Variants in GALNT18 observed in about 807,000 individuals in gnomAD.
GALNT18 encodes the protein GalNAc-transferase 18.
In GALNT18, 44 loss-of-function variants were observed where a neutral mutation model predicts 69.5. The observed-to-expected ratio is 0.63, with a 90% CI of 0.50 to 0.81. The LOEUF (loss-of-function observed/expected upper bound fraction) is 0.81. Ranked by LOEUF, GALNT18 falls within the 40% of genes least tolerant of loss-of-function variation. GALNT18 has a pLI of 0.00. For synonymous variants in GALNT18, 364 were observed against 318.2 expected (o/e 1.14, Z -1.53); for missense variants, 715 against 810.0 (o/e 0.88, Z 1.42).
rs1856000120 is a variant in GALNT18 at position 11,459,756 on chromosome 11, G to T, written c.236-10820C>A. ...CAAACCATCAGATAGGTGGTAAAGT[G>T]TATTAATAGTTTCCTATGGTGCTCT... On this transcript the variant is annotated intron_variant, in intron 1 of 10. Transcript: ENST00000227756. The surrounding 1 kb of genome is among the most constrained non-coding windows in gnomAD (Gnocchi z 5.0). 6.6e-6 allele frequency among the ~76,000 whole-genome samples: 1 copy of T among 152,338 alleles called. No individual in the cohort carries two copies. Among genetic ancestry groups the T allele is most frequent in the East Asian group, 1.9e-4 (1 of 5,184 alleles).
intron 6 of GALNT18, among the ~76,000 whole-genome samples, chr11:11,343,439 G>T (rs184285224): frequency 4.6e-5 from 7 of 152,298 alleles, no homozygotes; most frequent in Non-Finnish European, 1.0e-4. Context: ...AAAAGGATCT[G>T]TCTGATCCCA....
chr11:11,340,798 A>G lies in GALNT18; in HGVS notation c.1278+21T>C. ...TTTTCCACCAATCCCCGAGAAACTC[A>G]TCCCTACCGGAGATCCCTACCTCCT... On this transcript the variant is annotated intron_variant, in intron 7 of 10. Transcript: ENST00000227756. The surrounding 1 kb of genome is among the most constrained non-coding windows in gnomAD (Gnocchi z 4.2). 1.3e-6 allele frequency: 2 copies of G among 1,583,720 alleles called. No homozygotes were observed. Among genetic ancestry groups the G allele is most frequent in the Non-Finnish European group, 1.7e-6 (2 of 1,163,094 alleles).
chr11:11,568,925 T>G (rs1858717272), intron 1 of GALNT18, among the ~76,000 whole-genome samples: 1 of 152,180 alleles, frequency 6.6e-6, no homozygotes, highest in African/African-American at 2.4e-5. Context: ...ACTGTACAAA[T>G]TCGGTTTCTA....
chr11:11,393,271 T>C (rs1564926342), intron 3 of GALNT18, among the ~76,000 whole-genome samples: 2 of 152,200 alleles, frequency 1.3e-5, no homozygotes, highest in South Asian at 4.1e-4. Flanking sequence ...ACTCTTAAAT[T>C]CAGACTTTGG....
At chr11:11,455,267 T>C (rs1341557216) in intron 1 of GALNT18, among the ~76,000 whole-genome samples, 2 of 152,226 alleles carry the variant, frequency 1.3e-5, no homozygotes, top group Non-Finnish European at 2.9e-5. Flanking sequence ...TATCCTCATA[T>C]AGCATCCAAC....
At chr11:11,317,335 A>T (rs960094706) in intron 9 of GALNT18, among the ~76,000 whole-genome samples, 1 of 152,228 alleles carries the variant, frequency 6.6e-6, no homozygotes, top group Admixed American at 6.5e-5. Context: ...GTCCAGCCCA[A>T]GCTGTCTTTG....
chr11:11,283,354 C>T (rs61872381), intron 10 of GALNT18, among the ~76,000 whole-genome samples: 1,784 of 152,238 alleles, frequency 0.012, 11 homozygotes, highest in Non-Finnish European at 0.018. Context: ...GCCATGTTGG[C>T]CAGGCTGGTC....
intron 1 of GALNT18, among the ~76,000 whole-genome samples, chr11:11,502,176 G>A (rs1326042178): frequency 2.0e-5 from 3 of 152,144 alleles, no homozygotes; most frequent in African/African-American, 7.2e-5. Flanking sequence ...AGGCTCAGAC[G>A]GCATGAATAA....
intron 9 of GALNT18, among the ~76,000 whole-genome samples, chr11:11,304,754 A>G (rs10831581): frequency 0.62 from 93,945 of 151,794 alleles, 29,767 homozygotes; most frequent in Admixed American, 0.76. Flanking sequence ...TTCTAGCTGG[A>G]ACGTGAGCGG....
Position 11,430,468 on chromosome 11 carries a change from A to G in GALNT18, c.595+2153T>C, listed in dbSNP as rs1855240721. Among the ~76,000 whole-genome samples the G allele has an allele frequency of 6.6e-6, 1 of 152,234 alleles. No individual in the cohort carries two copies. The highest frequency in any genetic ancestry group is 1.5e-5 in the Non-Finnish European group (1 of 68,038). ...TCGATGCAGTTGTGATGACAAGTAC[A>G]GCTTTGTGTAACCAACACCACAATC... is the stretch of plus-strand genomic sequence containing the variant. On this transcript the variant is annotated intron_variant, in intron 3 of 10. Coordinates refer to ENST00000227756, the MANE Select transcript of GALNT18 (RefSeq NM_198516.3). The surrounding 1 kb of genome is among the most constrained non-coding windows in gnomAD (Gnocchi z 4.9).
At chr11:11,328,028 A>C (rs1849954902) in intron 8 of GALNT18, among the ~76,000 whole-genome samples, 1 of 152,120 alleles carries the variant, frequency 6.6e-6, no homozygotes, top group Non-Finnish European at 1.5e-5. Context: ...AGAGACTGTG[A>C]TCAGTGGGTG....
At chr11:11,333,491 A>G (rs1256857745) in intron 7 of GALNT18, among the ~76,000 whole-genome samples, 2 of 152,198 alleles carry the variant, frequency 1.3e-5, no homozygotes, top group Non-Finnish European at 2.9e-5. Flanking sequence ...CCAAGACTCC[A>G]CAACTAATAA....
At chr11:11,278,869 CAG>C (rs1269883158) in intron 10 of GALNT18, among the ~76,000 whole-genome samples, 1 of 152,164 alleles carries the variant, frequency 6.6e-6, no homozygotes, top group African/African-American at 2.4e-5. Flanking sequence ...GTTTCTAACA[CAG>C]AAATGATAAA....
At chr11:11,293,773 C>T (rs2133006713) in intron 9 of GALNT18, among the ~76,000 whole-genome samples, 1 of 152,214 alleles carries the variant, frequency 6.6e-6, no homozygotes, top group East Asian at 1.9e-4. Context: ...AACTCCTGAC[C>T]TCGTGATCTG....
In GALNT18 at chr11:11,562,288, C is replaced by T. The variant is rs980020361; in HGVS notation, c.235+59071G>A. Among the ~76,000 whole-genome samples the T allele has an allele frequency of 6.6e-6, 1 of 152,176 alleles. No homozygotes were observed. The highest frequency in any genetic ancestry group is 1.5e-5 in the Non-Finnish European group (1 of 68,038). On this transcript the variant is annotated intron_variant, in intron 1 of 10. Transcript: ENST00000227756. This position sits in a 1 kb window ranked among gnomAD's most constrained non-coding sequence, Gnocchi z 4.1. ...CTGGCTGTCTTCTTGTGTCTCTTCA[C>T]TTCATATGCCCCTAGTGTGTGTCTG...
rs551055737 is a variant in GALNT18, at chr11:11,603,310, G to A, written c.235+18049C>T. Among the ~76,000 whole-genome samples, 15 of 152,294 alleles carry A rather than the reference G, an allele frequency of 9.8e-5. No individual in the cohort carries two copies. In the South Asian group the frequency reaches 1.0e-3, roughly 11 times the overall value. On this transcript the variant is annotated intron_variant, in intron 1 of 10. Transcript: ENST00000227756. The surrounding 1 kb of genome is among the most constrained non-coding windows in gnomAD (Gnocchi z 4.5). ...ACACTGGCTCAGTTACCACCTCAGC[G>A]TTCAGAATCTAGAGAGTTTTCTAGA...
intron 6 of GALNT18, among the ~76,000 whole-genome samples, chr11:11,346,124 G>A (rs1290322014): frequency 1.3e-5 from 2 of 152,162 alleles, no homozygotes; most frequent in African/African-American, 4.8e-5. Context: ...GATCCCCTCT[G>A]AATATCTTTA....
rs894093039 is a variant in GALNT18, at chr11:11,315,423, G to T, written c.1512+11663C>A. Among the ~76,000 whole-genome samples the T allele has an allele frequency of 6.6e-6, 1 of 152,190 alleles. No individual in the cohort carries two copies. Among genetic ancestry groups the T allele is most frequent in the East Asian group, 1.9e-4 (1 of 5,176 alleles). ...CACGTTCCTGAGCTCTGGAACACAGGCAAGGATACGTTAGGCATGGGTCTT... is the reference window on the plus strand; with the variant it reads ...CACGTTCCTGAGCTCTGGAACACAGTCAAGGATACGTTAGGCATGGGTCTT... On this transcript the variant is annotated intron_variant, in intron 9 of 10. Transcript: ENST00000227756. This position sits in a 1 kb window ranked among gnomAD's most constrained non-coding sequence, Gnocchi z 5.6.
chr11:11,607,574 C>T (rs2133956354), intron 1 of GALNT18, among the ~76,000 whole-genome samples: 1 of 152,270 alleles, frequency 6.6e-6, no homozygotes, highest in East Asian at 1.9e-4. Context: ...CAACAAAATG[C>T]ACATTTTGTA....
Sources: allele counts gnomAD v4.1 joint callset (sites outside exome capture counted in the v4.1 genomes callset), GRCh38; gene constraint gnomAD v4.1.1; non-coding constraint Gnocchi (gnomAD v3.1); transcripts MANE v1.5; gene names NCBI Gene and HGNC (gene_info 2026-07-23, HGNC 2026-07-21).